The following ANKDD1A variants were observed in gnomAD, a reference collection of about 807,000 sequenced individuals.
ANKDD1A encodes the protein ankyrin repeat and death domain containing 1A.
Under a neutral mutation model 63.5 loss-of-function variants are expected in ANKDD1A, and 59 were observed. The observed-to-expected ratio is 0.93, with a 90% confidence interval of 0.75 to 1.15. The LOEUF is 1.15. Ranked by LOEUF, ANKDD1A falls within the 50% of genes most tolerant of loss-of-function variation. The pLI is 0.00. For missense variants in ANKDD1A, 632 were observed against 656.4 expected, an observed-to-expected ratio of 0.96 and a Z score of 0.41; for synonymous variants, 266 against 263.9, an observed-to-expected ratio of 1.01 and a Z score of -0.08.
At chr15:64,954,933 TCTTCTTG>T (rs2085403091) in intron 14 of ANKDD1A, among the ~76,000 whole-genome samples, 1 of 148,106 alleles carries the variant, frequency 6.8e-6, no homozygotes, top group African/African-American at 2.5e-5. Flanking sequence ...TTCTTCTCCT[TCTTCTTG>T]TCTCTTCTTC....
At chr15:64,948,819 C>CT (rs1189223394) in intron 13 of ANKDD1A, among the ~76,000 whole-genome samples, 3 of 151,924 alleles carry the variant, frequency 2.0e-5, no homozygotes, top group Non-Finnish European at 2.9e-5. Flanking sequence ...GAGTGAGACT[C>CT]TGTCTCCCAA....
intron 12 of ANKDD1A, 118 bp downstream of exon 12, chr15:64,944,865 G>A: frequency 1.1e-6 from 1 of 915,486 alleles, no homozygotes; most frequent in Non-Finnish European, 1.6e-6. Flanking sequence ...CTCCAAGCAG[G>A]TGATAATCAC....
chr15:64,923,103 C>T (rs1006788442), intron 4 of ANKDD1A, among the ~76,000 whole-genome samples: 2 of 152,066 alleles, frequency 1.3e-5, no homozygotes, highest in African/African-American at 4.8e-5. Flanking sequence ...AGAATAATGG[C>T]ACCCCAAAGA....
chr15:64,917,646 C>T (rs2084979419), intron 3 of ANKDD1A, 132 bp downstream of exon 3: 13 of 1,364,018 alleles, frequency 9.5e-6, no homozygotes, highest in South Asian at 1.4e-5. Flanking sequence ...GAGTCAGAGG[C>T]TTCAGGCGCA....
In ANKDD1A at chr15:64,930,854, T is replaced by G. The variant is rs551592042; in HGVS notation, c.603T>G (p.Gly201=). The G allele has an allele frequency of 9.3e-6, 15 of 1,612,976 alleles. No individual in the cohort carries two copies. Among genetic ancestry groups the G allele is most frequent in the Admixed American group, 1.7e-5 (1 of 59,986 alleles). Residue 201 remains glycine, a synonymous_variant, in exon 7 of 15, where the codon GGT becomes GGG. Coordinates refer to ENST00000319580, the MANE Select transcript of ANKDD1A (RefSeq NM_182703.6). ...ACACTGCCCTTCATCTGGCTGCTGG[T>G]CGGGGCCATATGGCTGTGCTGCAGC... is the stretch of plus-strand genomic sequence containing the variant. ...EGNTALHLAA[G]RGHMAVLQRL...
At chr15:64,954,323 T>C (rs2085380713) in intron 14 of ANKDD1A, among the ~76,000 whole-genome samples, 1,451 of 7,112 alleles carry the variant, frequency 0.2, 27 homozygotes, top group African/African-American at 0.22. Context: ...TCCTTCTTAG[T>C]TCTTCCTTCT....
At chr15:64,914,407 C>T (rs893714977) in intron 1 of ANKDD1A, among the ~76,000 whole-genome samples, 1 of 152,242 alleles carries the variant, frequency 6.6e-6, no homozygotes, top group African/African-American at 2.4e-5. Flanking sequence ...CTTGCCTTAG[C>T]TTCTTGAGTA....
chr15:64,955,976 C>T (rs74769355), intron 14 of ANKDD1A, among the ~76,000 whole-genome samples: 3,475 of 152,204 alleles, frequency 0.023, 150 homozygotes, highest in East Asian at 0.2. Flanking sequence ...AAGTGACTGG[C>T]TACAGGGGAC....
At chr15:64,913,568 C>T (rs1009476731) in intron 1 of ANKDD1A, among the ~76,000 whole-genome samples, 3 of 152,102 alleles carry the variant, frequency 2.0e-5, no homozygotes, top group Admixed American at 6.5e-5. Flanking sequence ...GTGGTTAAGC[C>T]AGAGTTGAAC....
At chr15:64,945,141 A>T (rs2085212878) in intron 12 of ANKDD1A, among the ~76,000 whole-genome samples, 1 of 152,176 alleles carries the variant, frequency 6.6e-6, no homozygotes, top group Non-Finnish European at 1.5e-5. Context: ...GCCAGAAGTA[A>T]GTGTGTTGCA....
chr15:64,912,518 G>A (rs557484520), intron 1 of ANKDD1A, among the ~76,000 whole-genome samples: 2 of 152,348 alleles, frequency 1.3e-5, no homozygotes, highest in East Asian at 3.9e-4. Flanking sequence ...GCCACAGGTG[G>A]AATGAGGGCA....
intron 2 of ANKDD1A, 150 bp from the exon 3 acceptor site, chr15:64,917,236 G>A (rs774199436): frequency 2.6e-4 from 256 of 996,994 alleles, no homozygotes; most frequent in Non-Finnish European, 3.5e-4. Flanking sequence ...GCATGTGGCA[G>A]AATGGGGCTG....
At chr15:64,954,912 CTT>C (rs1374724881) in intron 14 of ANKDD1A, among the ~76,000 whole-genome samples, 1 of 67,282 alleles carries the variant, frequency 1.5e-5, no homozygotes, top group East Asian at 5.4e-4. Flanking sequence ...TCTCTTGTCT[CTT>C]CTCTCTCCTT....
At chr15:64,926,701 C>T (rs1253972873) in intron 5 of ANKDD1A, among the ~76,000 whole-genome samples, 200 bp from the exon 6 acceptor site, 2 of 152,056 alleles carry the variant, frequency 1.3e-5, no homozygotes, top group Admixed American at 6.6e-5. Context: ...AGGGAGGGAC[C>T]CCAGCAAGTG....
intron 14 of ANKDD1A, among the ~76,000 whole-genome samples, chr15:64,954,855 T>C (rs1265739730): frequency 3.8e-4 from 20 of 52,008 alleles, no homozygotes; most frequent in Admixed American, 8.6e-4. Flanking sequence ...TCCTTCTTCT[T>C]CTTTCTTCTC....
intron 14 of ANKDD1A, among the ~76,000 whole-genome samples, chr15:64,952,394 T>C (rs868720165): frequency 9.7e-6 from 1 of 102,892 alleles, no homozygotes; most frequent in African/African-American, 3.9e-5. Flanking sequence ...TCTTTTCTTC[T>C]TCCTCCTTCT....
chr15:64,921,222 C>G (rs917724661), intron 3 of ANKDD1A, among the ~76,000 whole-genome samples: 1 of 152,244 alleles, frequency 6.6e-6, no homozygotes, highest in Non-Finnish European at 1.5e-5. Flanking sequence ...TGATTCACAT[C>G]TCAGAGTGTT....
At chr15:64,915,270 A>G (rs149616256) in intron 1 of ANKDD1A, among the ~76,000 whole-genome samples, 2 of 152,168 alleles carry the variant, frequency 1.3e-5, no homozygotes, top group Non-Finnish European at 2.9e-5. Context: ...ACGCCACTGC[A>G]CTCCAGCCTG....
chr15:64,947,635 G>A lies in ANKDD1A; in HGVS notation c.1351+42G>A, dbSNP rs35124749. The A allele has an allele frequency of 7.9e-3, 12,631 of 1,593,784 alleles. 64 individuals carry two copies. Among genetic ancestry groups the A allele is most frequent in the Non-Finnish European group, 9.6e-3 (11,173 of 1,169,444 alleles). ...CCTCGCCCTAAGCAACCATTGGGCG[G>A]AGGGGTGGGACACCTGAAATGTGTT... On this transcript the variant is annotated intron_variant, in intron 13 of 14. Transcript: ENST00000319580.
Sources: allele counts gnomAD v4.1 joint callset (sites outside exome capture counted in the v4.1 genomes callset), GRCh38; gene constraint gnomAD v4.1.1; transcripts MANE v1.5; gene names NCBI Gene and HGNC (gene_info 2026-07-23, HGNC 2026-07-21).